Variants in GALNT13 observed in about 807,000 individuals in gnomAD.
GALNT13 encodes the protein UDP-GalNAc:polypeptide N-acetylgalactosaminyltransferase 13.
In GALNT13, 28 loss-of-function variants were observed where a neutral mutation model predicts 64.2. The ratio of observed to expected loss-of-function variants is 0.44; its 90% CI spans 0.32 to 0.60. The LOEUF (loss-of-function observed/expected upper bound fraction) is 0.60. Ranked by LOEUF, GALNT13 falls within the 20% of genes least tolerant of loss-of-function variation. The probability of loss-of-function intolerance (pLI) is 0.05; values close to 1 mark genes in which losing one functional copy is unlikely to be tolerated. For missense variants in GALNT13, 577 were observed against 669.8 expected, an observed-to-expected ratio of 0.86 and a Z score of 1.53; for synonymous variants, 214 against 224.6, an observed-to-expected ratio of 0.95 and a Z score of 0.42.
At chr2:153,397,175 T>C in the GALNT13 span, among the ~76,000 whole-genome samples, 1 of 152,180 alleles carries the variant, frequency 6.6e-6, no homozygotes, top group Non-Finnish European at 1.5e-5. Flanking sequence ...TAATGACAAA[T>C]GCCTTTTAAA....
chr2:153,760,435 G>A, the GALNT13 span, among the ~76,000 whole-genome samples: 1 of 151,590 alleles, frequency 6.6e-6, no homozygotes, highest in African/African-American at 2.4e-5. Context: ...GGTATGTTGT[G>A]CTTCCATTAT....
At chr2:153,750,420 G>A in the GALNT13 span, among the ~76,000 whole-genome samples, 3 of 151,760 alleles carry the variant, frequency 2.0e-5, no homozygotes, top group South Asian at 4.1e-4. Flanking sequence ...TTCTTTAAAC[G>A]TTTCATAGAA....
the GALNT13 span, among the ~76,000 whole-genome samples, chr2:153,232,743 C>T: frequency 6.6e-6 from 1 of 152,174 alleles, no homozygotes; most frequent in African/African-American, 2.4e-5. Context: ...ATCTGCTACA[C>T]CAACAGTACA....
chr2:153,851,780 T>TA, the GALNT13 span, among the ~76,000 whole-genome samples: 1 of 152,126 alleles, frequency 6.6e-6, no homozygotes, highest in Non-Finnish European at 1.5e-5. Context: ...AATATATAGG[T>TA]AAATAATGAA....
At chr2:153,647,851 C>CT in the GALNT13 span, among the ~76,000 whole-genome samples, 1 of 152,152 alleles carries the variant, frequency 6.6e-6, no homozygotes, top group Non-Finnish European at 1.5e-5. Flanking sequence ...CAGTACCATG[C>CT]TGTTTTGGTT....
At chr2:153,821,070 A>T in the GALNT13 span, among the ~76,000 whole-genome samples, 2 of 152,152 alleles carry the variant, frequency 1.3e-5, no homozygotes, top group Non-Finnish European at 2.9e-5. Context: ...TGAACCCAAC[A>T]TTGGAGCACC....
chr2:153,415,040 G>C, the GALNT13 span, among the ~76,000 whole-genome samples: 3 of 151,950 alleles, frequency 2.0e-5, no homozygotes, highest in Non-Finnish European at 4.4e-5. Context: ...TCACTGGCAT[G>C]GTATTACTTA....
At chr2:154,287,801 T>C (rs186634691) in intron 8 of GALNT13, among the ~76,000 whole-genome samples, 145 of 152,242 alleles carry the variant, frequency 9.5e-4, no homozygotes, top group Admixed American at 2.5e-3. Flanking sequence ...ATCTTATCTT[T>C]TATTTGAAAT....
the GALNT13 span, among the ~76,000 whole-genome samples, chr2:153,338,213 A>C: frequency 6.6e-6 from 1 of 152,156 alleles, no homozygotes; most frequent in African/African-American, 2.4e-5. Context: ...GGATCAACTG[A>C]GCCCAGAAGA....
At chr2:153,907,331 A>C (rs1419922840) in intron 2 of GALNT13, among the ~76,000 whole-genome samples, 1 of 151,812 alleles carries the variant, frequency 6.6e-6, no homozygotes, top group Non-Finnish European at 1.5e-5. Context: ...ACACACACAC[A>C]TATAATTATA....
At chr2:154,140,727 C>G (rs977152006) in intron 4 of GALNT13, among the ~76,000 whole-genome samples, 2 of 152,140 alleles carry the variant, frequency 1.3e-5, no homozygotes, top group African/African-American at 4.8e-5. Flanking sequence ...GCAAAATACT[C>G]AGGCCAAACA....
At chr2:153,597,825 G>T in the GALNT13 span, among the ~76,000 whole-genome samples, 966 of 151,952 alleles carry the variant, frequency 6.4e-3, 8 homozygotes, top group African/African-American at 0.022. Context: ...ATGGCCAATA[G>T]GCACATGGAA....
At chr2:153,986,692 C>G (rs1339800290) in intron 3 of GALNT13, among the ~76,000 whole-genome samples, 2 of 151,964 alleles carry the variant, frequency 1.3e-5, no homozygotes. Flanking sequence ...AGCAAAACAG[C>G]CTTTGTTTGT....
At chr2:153,814,972 T>C in the GALNT13 span, among the ~76,000 whole-genome samples, 1 of 152,212 alleles carries the variant, frequency 6.6e-6, no homozygotes, top group Non-Finnish European at 1.5e-5. Flanking sequence ...TTTTTCTGCA[T>C]AGAGAACTAC....
Position 153,944,645 on chromosome 2 carries a change from T to A in GALNT13, c.142+6T>A, listed in dbSNP as rs1215462640. On this transcript the variant is annotated splice_donor_region_variant and intron_variant, in intron 3 of 12. Coordinates refer to ENST00000392825, the MANE Select transcript of GALNT13 (RefSeq NM_052917.4). Reference sequence around the variant, plus strand: ...TCTGCTGCCTGCATTGAGGGGTAAGTGCTTATGAAGCAAATACTGTCTTTA... The same window carrying A: ...TCTGCTGCCTGCATTGAGGGGTAAGAGCTTATGAAGCAAATACTGTCTTTA... 1 of 1,611,192 alleles carries A rather than the reference T, an allele frequency of 6.2e-7. No individual in the cohort carries two copies. The highest frequency in any genetic ancestry group is 1.1e-5 in the South Asian group (1 of 90,598).
chr2:153,588,635 C>T, the GALNT13 span, among the ~76,000 whole-genome samples: 1 of 152,192 alleles, frequency 6.6e-6, no homozygotes, highest in African/African-American at 2.4e-5. Flanking sequence ...ATTGGAGGAG[C>T]TGCCTTGAAG....
At chr2:153,448,439 G>A in the GALNT13 span, among the ~76,000 whole-genome samples, 1 of 151,932 alleles carries the variant, frequency 6.6e-6, no homozygotes, top group Admixed American at 6.6e-5. Context: ...TTTATATAAT[G>A]CTCCAGTTAT....
At chr2:154,277,457 C>T (rs1433610212) in intron 8 of GALNT13, among the ~76,000 whole-genome samples, 3 of 152,158 alleles carry the variant, frequency 2.0e-5, no homozygotes, top group South Asian at 2.1e-4. Context: ...TATTGTCACA[C>T]TTAGTGATGT....
intron 3 of GALNT13, among the ~76,000 whole-genome samples, chr2:154,094,172 T>C (rs1701960739): frequency 6.6e-6 from 1 of 151,960 alleles, no homozygotes; most frequent in African/African-American, 2.4e-5. Flanking sequence ...GTTGGGCAGC[T>C]CATTAAAGCC....
Sources: allele counts gnomAD v4.1 joint callset (sites outside exome capture counted in the v4.1 genomes callset), GRCh38; gene constraint gnomAD v4.1.1; transcripts MANE v1.5; gene names NCBI Gene and HGNC (gene_info 2026-07-23, HGNC 2026-07-21).